The following UQCRC1 variants were observed in gnomAD, a reference collection of about 807,000 sequenced individuals.
UQCRC1 encodes ubiquinol-cytochrome c reductase core protein 1.
Under a neutral mutation model 58.0 loss-of-function variants are expected in UQCRC1, and 34 were observed. The ratio of observed to expected loss-of-function variants is 0.59; its 90% CI spans 0.45 to 0.78. The LOEUF (loss-of-function observed/expected upper bound fraction) is 0.78, where lower values mean the gene tolerates loss of function less well. Ranked by LOEUF, UQCRC1 falls within the 30% of genes least tolerant of loss-of-function variation. The probability of loss-of-function intolerance (pLI) is 0.00; values close to 1 mark genes in which losing one functional copy is unlikely to be tolerated. For synonymous variants in UQCRC1, 276 were observed against 248.8 expected, an observed-to-expected ratio of 1.11 and a Z score of -1.03; for missense variants, 610 against 646.0, an observed-to-expected ratio of 0.94 and a Z score of 0.60.
chr3:48,608,942 C>A (rs899603467), intron 2 of UQCRC1, among the ~76,000 whole-genome samples: 11 of 152,134 alleles, frequency 7.2e-5, no homozygotes, highest in Admixed American at 6.6e-4. Flanking sequence ...GCCTACTTAA[C>A]GGGCATTATA....
chr3:48,600,116 G>A lies in UQCRC1; in HGVS notation c.1249C>T (p.Leu417Phe). Residue 417 changes from leucine to phenylalanine, a missense_variant, in exon 11 of 13, where the codon CTC (leucine) becomes TTC (phenylalanine). Physicochemically the swap from Leu to Phe is conservative, Grantham distance 22. Transcript: ENST00000203407. ...GGGATGCGGCGGCCATAGGTCAGGA[G>A]GCTGCGTCCGATGTCCTCACACACA... ...TPVCEDIGRSLLTYGRRIPLA... is the reference protein window; with the variant it reads ...TPVCEDIGRSFLTYGRRIPLA... 3 of 1,614,150 alleles carry A rather than the reference G, an allele frequency of 1.9e-6. No homozygotes were observed. Among genetic ancestry groups the A allele is most frequent in the South Asian group, 1.1e-5 (1 of 91,088 alleles).
chr3:48,609,569 A>G lies in UQCRC1; in HGVS notation c.52T>C (p.Leu18=), dbSNP rs1013474082. 4.5e-6 allele frequency: 7 copies of G among 1,568,764 alleles called. No individual in the cohort carries two copies. In the Admixed American group the frequency reaches 5.4e-5, roughly 12 times the overall value. The part of the protein sequence containing the change: ...RAATAGAQVL[L]RARRSPALLR... ...CACCTCACCGAGCGGCGGGCGCGCA[A>G]TAGCACTTGTGCCCCGGCGGTAGCG... The change falls in exon 1 of 13, where the codon TTG becomes CTG. Residue 18 remains leucine (L), a synonymous_variant. Transcript: ENST00000203407.
rs753316447 is a variant in UQCRC1, at chr3:48,600,714, T to C, written c.1093A>G (p.Ile365Val). The C allele has an allele frequency of 1.2e-6, 2 of 1,614,140 alleles. No individual in the cohort carries two copies. Among genetic ancestry groups the C allele is most frequent in the Non-Finnish European group, 1.7e-6 (2 of 1,180,034 alleles). ...GAHFVCDRMKIDDMMFVLQGQ... is the reference protein window; with the variant it reads ...GAHFVCDRMKVDDMMFVLQGQ... ...TGCAGGACGAACATCATGTCATCGA[T>C]TTTCATTCGGTCACAGACAAAGTGT... Residue 365 changes from isoleucine (I) to valine (V), a missense_variant, in exon 9 of 13, where the codon ATC becomes GTC. By Grantham distance (29) the Ile-to-Val change is conservative. Transcript: ENST00000203407.
chr3:48,602,596 C>G (rs1052764026), intron 6 of UQCRC1, among the ~76,000 whole-genome samples: 1 of 149,584 alleles, frequency 6.7e-6, no homozygotes, highest in African/African-American at 2.5e-5. Flanking sequence ...AATCTCAGCT[C>G]GCTGCAACCT....
chr3:48,602,241 CG>C (rs1362508524), intron 6 of UQCRC1, among the ~76,000 whole-genome samples: 5 of 151,828 alleles, frequency 3.3e-5, no homozygotes, highest in African/African-American at 1.2e-4. Flanking sequence ...TCAGTAGAGA[CG>C]GGGTTTCACT....
chr3:48,599,820 C>A (rs879246263), intron 11 of UQCRC1, 110 bp from the exon 12 acceptor site: 1 of 1,258,636 alleles, frequency 7.9e-7, no homozygotes, highest in South Asian at 1.2e-5. Flanking sequence ...TGCAGCTGTC[C>A]CCAGCCCAAA....
At chr3:48,601,912 G>A (rs1276596533) in intron 6 of UQCRC1, among the ~76,000 whole-genome samples, 2 of 152,140 alleles carry the variant, frequency 1.3e-5, no homozygotes, top group African/African-American at 4.8e-5. Flanking sequence ...AGCTATTACA[G>A]GGCTGTGATT....
intron 1 of UQCRC1, 29 bp from the exon 2 acceptor site, chr3:48,609,331 A>G: frequency 6.3e-7 from 1 of 1,589,664 alleles, no homozygotes; most frequent in Non-Finnish European, 8.6e-7. Flanking sequence ...GCGAGTGAGG[A>G]CTCGGTCAGG....
rs779100134 is a variant in UQCRC1 at position 48,600,856 on chromosome 3, G to C, written c.967-16C>G. 1 of 1,613,664 alleles carries C rather than the reference G, an allele frequency of 6.2e-7. No individual in the cohort carries two copies. The highest frequency in any genetic ancestry group is 8.5e-7 in the Non-Finnish European group (1 of 1,180,012). Reference sequence around the variant, plus strand: ...TGGACAGGTGCTGCCAGGGGGATAGGTGGTCAGCACCCACCCTCTTGTCTT... The same window carrying C: ...TGGACAGGTGCTGCCAGGGGGATAGCTGGTCAGCACCCACCCTCTTGTCTT... On this transcript the variant is annotated splice_polypyrimidine_tract_variant and intron_variant, in intron 8 of 12. Transcript: ENST00000203407.
intron 6 of UQCRC1, among the ~76,000 whole-genome samples, chr3:48,602,163 G>A (rs939879532): frequency 9.9e-5 from 15 of 151,574 alleles, no homozygotes; most frequent in African/African-American, 3.4e-4. Context: ...CCATTCTCCT[G>A]CCTCAGCCTC....
At chr3:48,605,702 G>C in intron 3 of UQCRC1, 68 bp downstream of exon 3, 1 of 1,498,930 alleles carries the variant, frequency 6.7e-7, no homozygotes, top group Non-Finnish European at 9.1e-7. Context: ...TAATTTTTCT[G>C]ACCTTCATCC....
chr3:48,599,246 C>A, intron 12 of UQCRC1, 54 bp from the exon 13 acceptor site: 1 of 1,531,170 alleles, frequency 6.5e-7, no homozygotes, highest in African/African-American at 1.4e-5. Context: ...CACAGGGACA[C>A]CTGGCCCTGT....
chr3:48,602,454 G>A (rs2046374734), intron 6 of UQCRC1, among the ~76,000 whole-genome samples: 1 of 151,880 alleles, frequency 6.6e-6, no homozygotes, highest in Non-Finnish European at 1.5e-5. Context: ...CAAAGCCCCT[G>A]GTCATGCTCT....
At chr3:48,606,064 T>C (rs2046408205) in intron 2 of UQCRC1, among the ~76,000 whole-genome samples, 2 of 152,194 alleles carry the variant, frequency 1.3e-5, no homozygotes, top group African/African-American at 4.8e-5. Context: ...CACCACATCA[T>C]TGCTCTCCTG....
In UQCRC1 at chr3:48,600,807, C is replaced by T. The variant is rs950762023; in HGVS notation, c.1000G>A (p.Ala334Thr). ...LSSPLASGAV[A>T]NKLCQSFQTF... ...TGGAAACTCTGGCATAGCTTGTTGG[C>T]CACAGCACCTGAAGCCAGTGGGCTG... The change falls in exon 9 of 13, where the codon GCC becomes ACC. Residue 334 changes from alanine (A) to threonine (T), a missense_variant. Coordinates refer to ENST00000203407, the MANE Select transcript of UQCRC1 (RefSeq NM_003365.3). 2 of 1,613,960 alleles carry T rather than the reference C, an allele frequency of 1.2e-6. No individual in the cohort carries two copies. The highest frequency in any genetic ancestry group is 2.7e-5 in the African/African-American group (2 of 74,944).
chr3:48,609,405 G>T, intron 1 of UQCRC1, 103 bp from the exon 2 acceptor site: 1 of 1,518,616 alleles, frequency 6.6e-7, no homozygotes, highest in Admixed American at 2.0e-5. Flanking sequence ...GGCAAGCGGC[G>T]AGATACCTTT....
chr3:48,601,359 C>A lies in UQCRC1; in HGVS notation c.815G>T (p.Gly272Val). The change falls in exon 7 of 13, where the codon GGC becomes GTC. Residue 272 changes from glycine (G) to valine (V), a missense_variant. Physicochemically the swap from Gly to Val is moderately radical, Grantham distance 109. Transcript: ENST00000203407. ...VPTLTPCRFT[G>V]SEIRHRDDAL... is the part of the protein sequence containing the mutation. Reference sequence around the variant, plus strand: ...GCCCAAAAGGCAGCATACCTCACTGCCAGTGAAGCGGCATGGAGTAAGAGT... The same window carrying A: ...GCCCAAAAGGCAGCATACCTCACTGACAGTGAAGCGGCATGGAGTAAGAGT... The A allele has an allele frequency of 6.2e-7, 1 of 1,614,114 alleles. No homozygotes were observed. The highest frequency in any genetic ancestry group is 8.5e-7 in the Non-Finnish European group (1 of 1,179,996).
chr3:48,600,886 G>A (rs776670206), intron 8 of UQCRC1, 46 bp from the exon 9 acceptor site: 17 of 1,612,292 alleles, frequency 1.1e-5, no homozygotes, highest in African/African-American at 1.3e-5. Flanking sequence ...TGTCTTCAAC[G>A]CACACTGTGA....
At chr3:48,604,121 A>G (rs560776790) in intron 5 of UQCRC1, 112 bp downstream of exon 5, 337 of 1,180,176 alleles carry the variant, frequency 2.9e-4, no homozygotes, top group Admixed American at 6.5e-4. Context: ...CTCCAGTTGC[A>G]TAACTCAGGA....
Sources: allele counts gnomAD v4.1 joint callset (sites outside exome capture counted in the v4.1 genomes callset), GRCh38; gene constraint gnomAD v4.1.1; transcripts MANE v1.5; gene names NCBI Gene and HGNC (gene_info 2026-07-23, HGNC 2026-07-21).